ITGBL1: variants seen among roughly 807,000 people sequenced by gnomAD.
ITGBL1 encodes integrin beta-like protein 1.
In ITGBL1, 51 loss-of-function variants were observed where a neutral mutation model predicts 68.5. The ratio of observed to expected loss-of-function variants is 0.74; its 90% CI spans 0.59 to 0.94. The LOEUF (loss-of-function observed/expected upper bound fraction) is 0.94. Among genes scored for constraint, ITGBL1 ranks in the 40% least tolerant of loss-of-function variants. ITGBL1 has a pLI of 0.00. For synonymous variants in ITGBL1, 209 were observed against 227.3 expected (o/e 0.92, Z 0.72); for missense variants, 649 against 647.4 (o/e 1.00, Z -0.03).
intron 6 of ITGBL1, among the ~76,000 whole-genome samples, chr13:101,588,933 C>G (rs2050605377): frequency 6.6e-6 from 1 of 152,050 alleles, no homozygotes; most frequent in South Asian, 2.1e-4. Context: ...TCTGAAAAGC[C>G]CAATACCTGC....
intron 2 of ITGBL1, among the ~76,000 whole-genome samples, chr13:101,502,822 G>GA (rs1187474015): frequency 4.6e-5 from 7 of 152,042 alleles, no homozygotes; most frequent in Admixed American, 3.9e-4. Context: ...GTTCCAGGAA[G>GA]AAAAAAAGAA....
chr13:101,625,388 G>T (rs1362167450), intron 7 of ITGBL1, among the ~76,000 whole-genome samples: 1 of 152,142 alleles, frequency 6.6e-6, no homozygotes, highest in Non-Finnish European at 1.5e-5. Flanking sequence ...TGAAAACTCA[G>T]CCGGCCAGGA....
chr13:101,607,324 C>G (rs564458429), intron 7 of ITGBL1, among the ~76,000 whole-genome samples: 1 of 152,016 alleles, frequency 6.6e-6, no homozygotes, highest in South Asian at 2.1e-4. Flanking sequence ...TCTCTGACTC[C>G]AAGGTTGTTG....
chr13:101,459,215 G>A (rs2048285335), intron 2 of ITGBL1, among the ~76,000 whole-genome samples: 1 of 152,138 alleles, frequency 6.6e-6, no homozygotes, highest in African/African-American at 2.4e-5. Context: ...CACCACGTTT[G>A]GGGCAGGATG....
downstream of ITGBL1, chr13:101,719,477 G>C (rs2164479): frequency 1.3e-5 from 2 of 152,164 alleles, no homozygotes; most frequent in Admixed American, 1.3e-4. Flanking sequence ...ATGATGTTCA[G>C]TTCCATTTTG....
chr13:101,527,034 G>A (rs2049392437), intron 2 of ITGBL1, among the ~76,000 whole-genome samples: 1 of 151,758 alleles, frequency 6.6e-6, no homozygotes, highest in African/African-American at 2.4e-5. Flanking sequence ...TTGATTCTAT[G>A]CCAACAAAAA....
At chr13:101,644,707 G>A (rs1265427056) in intron 7 of ITGBL1, among the ~76,000 whole-genome samples, 1 of 151,952 alleles carries the variant, frequency 6.6e-6, no homozygotes, top group African/African-American at 2.4e-5. Flanking sequence ...ATGTAACTAC[G>A]CCTCTGAATT....
intron 2 of ITGBL1, among the ~76,000 whole-genome samples, chr13:101,562,967 T>C (rs1319010675): frequency 1.3e-5 from 2 of 151,520 alleles, no homozygotes; most frequent in Non-Finnish European, 3.0e-5. Context: ...AACTAGAAAT[T>C]ACAGAAATAG....
chr13:101,558,937 CTT>C (rs1274892817), intron 2 of ITGBL1, among the ~76,000 whole-genome samples: 2 of 151,658 alleles, frequency 1.3e-5, no homozygotes, highest in Admixed American at 6.6e-5. Context: ...GTTTATATAA[CTT>C]TCATGAATTT....
intron 6 of ITGBL1, among the ~76,000 whole-genome samples, chr13:101,584,729 T>C (rs966955909): frequency 5.3e-5 from 8 of 152,090 alleles, no homozygotes; most frequent in East Asian, 3.9e-4. Flanking sequence ...TTCATTATCA[T>C]TGCTGTCAAC....
At chr13:101,680,827 G>A (rs574521191) in intron 7 of ITGBL1, among the ~76,000 whole-genome samples, 4 of 152,096 alleles carry the variant, frequency 2.6e-5, no homozygotes, top group Non-Finnish European at 5.9e-5. Flanking sequence ...AGTTGTGTAT[G>A]CACCAAGATT....
chr13:101,548,208 A>C (rs1273447515), intron 2 of ITGBL1, among the ~76,000 whole-genome samples: 2 of 151,896 alleles, frequency 1.3e-5, no homozygotes, highest in Non-Finnish European at 3.0e-5. Flanking sequence ...GATAAATATG[A>C]CAATACAAAA....
intron 7 of ITGBL1, among the ~76,000 whole-genome samples, chr13:101,691,284 G>C (rs1363406881): frequency 6.6e-6 from 1 of 152,168 alleles, no homozygotes; most frequent in East Asian, 1.9e-4. Context: ...GCACAACACT[G>C]TATTGCCATG....
chr13:101,634,245 G>T (rs10508069), intron 7 of ITGBL1, among the ~76,000 whole-genome samples: 18,413 of 152,148 alleles, frequency 0.12, 1,605 homozygotes, highest in African/African-American at 0.25. Context: ...TAGCTTTCTT[G>T]GAGTAAATGA....
chr13:101,534,412 TA>T (rs1045112071), intron 2 of ITGBL1, among the ~76,000 whole-genome samples: 2 of 152,240 alleles, frequency 1.3e-5, no homozygotes, highest in Admixed American at 6.5e-5. Context: ...CACTAAAAGA[TA>T]AGACAATTTA....
At chr13:101,600,517 G>A (rs927382111) in intron 7 of ITGBL1, among the ~76,000 whole-genome samples, 4 of 144,982 alleles carry the variant, frequency 2.8e-5, no homozygotes, top group African/African-American at 7.8e-5. Context: ...TCTTGTGCCA[G>A]TTTTCAAAGG....
At chr13:101,610,096 G>C (rs1264401885) in intron 7 of ITGBL1, among the ~76,000 whole-genome samples, 1 of 152,070 alleles carries the variant, frequency 6.6e-6, no homozygotes, top group Admixed American at 6.6e-5. Context: ...AAATAAATGT[G>C]ACAGTTATGA....
At chr13:101,542,546 G>A (rs1223195835) in intron 2 of ITGBL1, among the ~76,000 whole-genome samples, 1 of 152,126 alleles carries the variant, frequency 6.6e-6, no homozygotes, top group Non-Finnish European at 1.5e-5. Flanking sequence ...ATTTGGGGTG[G>A]AGAGTTCTGT....
intron 2 of ITGBL1, among the ~76,000 whole-genome samples, chr13:101,555,652 T>G (rs554817447): frequency 6.8e-6 from 1 of 147,442 alleles, no homozygotes; most frequent in Non-Finnish European, 1.5e-5. Context: ...TACATATATG[T>G]ATGTGTATAT....
Sources: allele counts gnomAD v4.1 joint callset (sites outside exome capture counted in the v4.1 genomes callset), GRCh38; gene constraint gnomAD v4.1.1; transcripts MANE v1.5; gene names NCBI Gene and HGNC (gene_info 2026-07-23, HGNC 2026-07-21).